Variants in CDKL3 observed in about 807,000 individuals in gnomAD.
The protein encoded by CDKL3 is cyclin dependent kinase like 3, also known as cyclin-dependent kinase-like 3.
Under a neutral mutation model 69.3 loss-of-function variants are expected in CDKL3, and 65 were observed. The observed-to-expected ratio is 0.94, with a 90% CI of 0.77 to 1.15. CDKL3 has a LOEUF of 1.15. CDKL3 is among the 50% of genes most tolerant of loss of function. The pLI is 0.00. For missense variants in CDKL3, 652 were observed against 689.2 expected (o/e 0.95, Z 0.61); for synonymous variants, 202 against 221.6 (o/e 0.91, Z 0.79).
At chr5:134,366,907 T>C (rs1757567636) in intron 1 of CDKL3, 70 bp downstream of exon 1, 4 of 1,000,854 alleles carry the variant, frequency 4.0e-6, no homozygotes, top group Non-Finnish European at 4.8e-6. Context: ...CGCCCACTTA[T>C]CAGGCCCAAG....
chr5:134,328,499 T>C (rs868734779), intron 4 of CDKL3, among the ~76,000 whole-genome samples: 2 of 151,604 alleles, frequency 1.3e-5, no homozygotes, highest in African/African-American at 2.4e-5. Context: ...AGCTGAAGGA[T>C]AGAAGGTAAA....
Position 134,311,062 on chromosome 5 carries a change from T to TCCA in CDKL3, c.881+1229_881+1230insTGG, listed in dbSNP as rs1769345459. Among the ~76,000 whole-genome samples, 4 of 152,342 alleles carry TCCA rather than the reference T, an allele frequency of 2.6e-5. No individual in the cohort carries two copies. In the South Asian group the frequency reaches 8.3e-4, roughly 32 times the overall value. The stretch of plus-strand genomic sequence containing the variant: ...TCAAAGCCCAAATAGAAAATGGTGT[T>TCCA]TTTTTAGAAATATGGCTGATTCATG... On this transcript the variant is annotated intron_variant, in intron 7 of 12. Coordinates refer to ENST00000265334, the MANE Select transcript of CDKL3 (RefSeq NM_001113575.2).
intron 3 of CDKL3, among the ~76,000 whole-genome samples, chr5:134,353,553 CTTTT>C (rs201057745): frequency 2.2e-5 from 3 of 138,874 alleles, no homozygotes; most frequent in Non-Finnish European, 3.1e-5. Flanking sequence ...GATCATGTCA[CTTTT>C]TTTTTTTTTT....
At chr5:134,357,093 T>G (rs1358778866) in intron 3 of CDKL3, among the ~76,000 whole-genome samples, 1 of 152,198 alleles carries the variant, frequency 6.6e-6, no homozygotes, top group African/African-American at 2.4e-5. Flanking sequence ...AATATCTACT[T>G]ATTTTGTATC....
At chr5:134,331,765 G>A (rs1369130267) in intron 4 of CDKL3, among the ~76,000 whole-genome samples, 15 of 152,236 alleles carry the variant, frequency 9.9e-5, no homozygotes, top group African/African-American at 2.9e-4. Flanking sequence ...ATAAACATAC[G>A]TGTGCATGTG....
At chr5:134,326,274 A>G (rs547071266) in intron 4 of CDKL3, among the ~76,000 whole-genome samples, 47 of 152,150 alleles carry the variant, frequency 3.1e-4, no homozygotes, top group Non-Finnish European at 5.9e-4. Context: ...CCTTTCAAAG[A>G]GCAATAGAAG....
chr5:134,317,328 G>A (rs1771386718), intron 6 of CDKL3, among the ~76,000 whole-genome samples: 2 of 152,054 alleles, frequency 1.3e-5, no homozygotes, highest in African/African-American at 4.8e-5. Context: ...TAGAGACAGG[G>A]TTTCATCATG....
At chr5:134,306,957 G>A (rs1463488020) in intron 9 of CDKL3, among the ~76,000 whole-genome samples, 1 of 152,036 alleles carries the variant, frequency 6.6e-6, no homozygotes, top group Non-Finnish European at 1.5e-5. Flanking sequence ...GTTTTGCCAT[G>A]TTGGCCAGGC....
chr5:134,364,616 A>G (rs1756935365), intron 2 of CDKL3, among the ~76,000 whole-genome samples: 1 of 151,590 alleles, frequency 6.6e-6, no homozygotes, highest in Admixed American at 6.6e-5. Context: ...GGTTCAAGCA[A>G]TTCTTCTGCC....
intron 4 of CDKL3, among the ~76,000 whole-genome samples, chr5:134,347,412 A>C (rs1276555887): frequency 6.6e-6 from 1 of 152,170 alleles, no homozygotes; most frequent in East Asian, 1.9e-4. Flanking sequence ...TACCCAAAAG[A>C]AATGAAAACA....
At chr5:134,293,207 A>G (rs1765202655) in intron 8 of CDKL3, among the ~76,000 whole-genome samples, 1 of 151,548 alleles carries the variant, frequency 6.6e-6, no homozygotes, top group South Asian at 2.1e-4. Context: ...TTTAGTAGGC[A>G]CGGGGTTTCT....
rs756114915 is a variant in CDKL3 at position 134,321,854 on chromosome 5, C to T, written c.589G>A (p.Gly197Arg). 3.2e-5 allele frequency: 52 copies of T among 1,612,698 alleles called. 1 individual carries two copies. The East Asian group carries it at 1.1e-3, about 35-fold the overall frequency. ...LGCMIIEMAT[G>R]NPYLPSSSDL... Reference sequence around the variant, plus strand: ...GAACTACTAGGAAGATAGGGATTTCCAGTGGCCATCTCAATGATCATACAG... The same window carrying T: ...GAACTACTAGGAAGATAGGGATTTCTAGTGGCCATCTCAATGATCATACAG... The change falls in exon 5 of 13, where the codon GGA becomes AGA. Residue 197 changes from glycine to arginine, a missense_variant. Transcript: ENST00000265334.
chr5:134,302,880 T>A (rs1766692760), intron 11 of CDKL3, among the ~76,000 whole-genome samples, 193 bp from the exon 12 acceptor site: 1 of 152,146 alleles, frequency 6.6e-6, no homozygotes, highest in African/African-American at 2.4e-5. Flanking sequence ...AATAGTCTAC[T>A]AAGTATTAAA....
At chr5:134,351,774 A>G (rs1445139352) in intron 3 of CDKL3, among the ~76,000 whole-genome samples, 1 of 152,144 alleles carries the variant, frequency 6.6e-6, no homozygotes, top group Non-Finnish European at 1.5e-5. Flanking sequence ...TTATTTTTTA[A>G]CATTGTTAAT....
intron 3 of CDKL3, among the ~76,000 whole-genome samples, chr5:134,357,315 G>A (rs1189256204): frequency 1.3e-5 from 2 of 152,010 alleles, no homozygotes; most frequent in African/African-American, 4.8e-5. Context: ...ATGATGGCAC[G>A]CACCTGTAAA....
intron 10 of CDKL3, among the ~76,000 whole-genome samples, chr5:134,306,286 G>A (rs972716279): frequency 1.3e-5 from 2 of 152,142 alleles, no homozygotes; most frequent in African/African-American, 2.4e-5. Context: ...CTTGAGCTCA[G>A]GAGTTTGAGA....
intron 3 of CDKL3, among the ~76,000 whole-genome samples, chr5:134,352,857 T>C (rs2149610123): frequency 6.6e-6 from 1 of 152,288 alleles, no homozygotes; most frequent in East Asian, 1.9e-4. Context: ...TTGCAAGCAT[T>C]TTCTCTAATT....
intron 3 of CDKL3, among the ~76,000 whole-genome samples, chr5:134,355,252 A>C (rs1024844803): frequency 9.9e-5 from 15 of 151,850 alleles, no homozygotes; most frequent in East Asian, 1.9e-4. Flanking sequence ...AAAAAAAAAA[A>C]AAAACAGATA....
chr5:134,285,730 A>G (rs1180956818), downstream of CDKL3, among the ~76,000 whole-genome samples: 1 of 152,230 alleles, frequency 6.6e-6, no homozygotes, highest in African/African-American at 2.4e-5. Context: ...TTGCATTGTC[A>G]GGCTGCAAAT....
Sources: gnomAD v4.1 joint callset for allele counts (sites outside exome capture counted in the v4.1 genomes callset) on GRCh38, gnomAD v4.1.1 for gene constraint, MANE v1.5 for transcripts, NCBI Gene and HGNC (gene_info 2026-07-23, HGNC 2026-07-21) for gene names.